The following ADGRB3 variants were observed in gnomAD, a reference collection of about 807,000 sequenced individuals.
ADGRB3 encodes adhesion G protein-coupled receptor B3.
Under a neutral mutation model 193.4 loss-of-function variants are expected in ADGRB3, and 37 were observed. The observed-to-expected ratio is 0.19, with a 90% CI of 0.15 to 0.25. The LOEUF (loss-of-function observed/expected upper bound fraction) is 0.25, where lower values mean the gene tolerates loss of function less well. Among genes scored for constraint, ADGRB3 ranks in the 10% least tolerant of loss-of-function variants. The pLI, the probability that ADGRB3 is intolerant of heterozygous loss-of-function variation, is 1.00. For synonymous variants in ADGRB3, 690 were observed against 644.2 expected, an observed-to-expected ratio of 1.07 and a Z score of -1.08; for missense variants, 1,637 against 1,852.9, an observed-to-expected ratio of 0.88 and a Z score of 2.14.
At chr6:69,214,382 T>G (rs568870689) in intron 17 of ADGRB3, among the ~76,000 whole-genome samples, 1 of 152,266 alleles carries the variant, frequency 6.6e-6, no homozygotes, top group Admixed American at 6.5e-5. Context: ...ACTGTAGAGT[T>G]AAAGCATCCT....
chr6:68,964,220 T>C (rs1768314191), intron 8 of ADGRB3, among the ~76,000 whole-genome samples: 1 of 152,090 alleles, frequency 6.6e-6, no homozygotes, highest in African/African-American at 2.4e-5. Flanking sequence ...ATATGGGAGG[T>C]AGGAAAAATA....
intron 5 of ADGRB3, among the ~76,000 whole-genome samples, chr6:68,936,987 T>C (rs932576855): frequency 6.6e-6 from 1 of 152,188 alleles, no homozygotes; most frequent in Admixed American, 6.5e-5. Context: ...AAATGTTCAA[T>C]TGAATGCTTG....
At chr6:69,163,989 A>C (rs1775064633) in intron 17 of ADGRB3, among the ~76,000 whole-genome samples, 1 of 152,094 alleles carries the variant, frequency 6.6e-6, no homozygotes, top group African/African-American at 2.4e-5. Context: ...CTCCTCCTTA[A>C]AAATTCCCTG....
At chr6:69,235,718 G>A (rs1766247714) in intron 19 of ADGRB3, among the ~76,000 whole-genome samples, 1 of 151,930 alleles carries the variant, frequency 6.6e-6, no homozygotes, top group South Asian at 2.1e-4. Context: ...TAAACAAGGG[G>A]AAGTTATTGA....
In ADGRB3 at chr6:69,188,905, T is replaced by G. The variant is rs188826659; in HGVS notation, c.2481-44385T>G. Among the ~76,000 whole-genome samples the G allele has an allele frequency of 1.1e-3, 172 of 152,296 alleles. 2 individuals are homozygous for G. The highest frequency in any genetic ancestry group is 3.8e-3 in the African/African-American group (158 of 41,576). On this transcript the variant is annotated intron_variant, in intron 17 of 31. Transcript: ENST00000370598. ...TACTGAAATTTAATTATAAATGCCT[T>G]TTTATATGTATCTGCAGTAAAATAA...
intron 10 of ADGRB3, among the ~76,000 whole-genome samples, chr6:68,992,845 C>T (rs1769274444): frequency 1.3e-5 from 2 of 152,068 alleles, no homozygotes; most frequent in African/African-American, 2.4e-5. Context: ...TTGGTAATTG[C>T]AATTAATGTA....
intron 20 of ADGRB3, among the ~76,000 whole-genome samples, chr6:69,255,549 G>T (rs965887741): frequency 4.7e-4 from 72 of 152,190 alleles, no homozygotes; most frequent in African/African-American, 1.6e-3. Context: ...TTGAGGGGTT[G>T]TTTGTTTTTT....
intron 3 of ADGRB3, among the ~76,000 whole-genome samples, chr6:68,822,192 T>G (rs548266932): frequency 1.3e-5 from 2 of 152,028 alleles, no homozygotes; most frequent in East Asian, 3.9e-4. Context: ...GAAGACAGAC[T>G]AATCTCAAAT....
intron 20 of ADGRB3, among the ~76,000 whole-genome samples, chr6:69,314,492 T>A (rs1768270194): frequency 6.6e-6 from 1 of 151,618 alleles, no homozygotes; most frequent in Non-Finnish European, 1.5e-5. Flanking sequence ...ATAACCTGCT[T>A]CAAAATTTTC....
intron 13 of ADGRB3, among the ~76,000 whole-genome samples, chr6:69,019,776 T>G (rs989832149): frequency 1.3e-5 from 2 of 151,950 alleles, no homozygotes; most frequent in Admixed American, 6.6e-5. Context: ...CTTGTGCCAG[T>G]TCAGTAATGG....
intron 20 of ADGRB3, among the ~76,000 whole-genome samples, chr6:69,279,071 G>GTATATA (rs57824884): frequency 2.7e-4 from 19 of 71,368 alleles, no homozygotes; most frequent in South Asian, 7.8e-4. Flanking sequence ...AAATACATAT[G>GTATATA]TATATATATA....
At chr6:69,025,511 T>C (rs1316885848) in intron 13 of ADGRB3, among the ~76,000 whole-genome samples, 1 of 149,330 alleles carries the variant, frequency 6.7e-6, no homozygotes, top group East Asian at 2.1e-4. Context: ...GCCTGAAAAA[T>C]ACACAATTTA....
chr6:69,240,381 G>C (rs903122469), intron 20 of ADGRB3, among the ~76,000 whole-genome samples: 1 of 151,988 alleles, frequency 6.6e-6, no homozygotes, highest in African/African-American at 2.4e-5. Flanking sequence ...AATTACTTTC[G>C]TGTCTTTGAG....
At chr6:68,976,851 C>T (rs944595988) in intron 10 of ADGRB3, among the ~76,000 whole-genome samples, 1 of 151,756 alleles carries the variant, frequency 6.6e-6, no homozygotes, top group Non-Finnish European at 1.5e-5. Context: ...TGTTCAAGGG[C>T]CATTGCTACA....
rs1248126327 is a variant in ADGRB3 at position 69,344,591 on chromosome 6, C to T, written c.3459+5087C>T. Among the ~76,000 whole-genome samples the T allele has an allele frequency of 4.3e-4, 66 of 152,082 alleles. 1 individual carries two copies. Among genetic ancestry groups the T allele is most frequent in the Non-Finnish European group, 2.9e-5 (2 of 68,026 alleles). ...CAGTAGTGATGAAATAACTAGACAACAATATGTAAAGGGTCCATATTGCAT... is the reference window on the plus strand; with the variant it reads ...CAGTAGTGATGAAATAACTAGACAATAATATGTAAAGGGTCCATATTGCAT... On this transcript the variant is annotated intron_variant, in intron 26 of 31. Transcript: ENST00000370598.
intron 17 of ADGRB3, among the ~76,000 whole-genome samples, chr6:69,211,954 T>G (rs1239007143): frequency 6.6e-6 from 1 of 152,216 alleles, no homozygotes; most frequent in East Asian, 1.9e-4. Flanking sequence ...TATTACATAA[T>G]TCAGAGAAAT....
chr6:68,820,162 T>C (rs1767722732), intron 3 of ADGRB3, among the ~76,000 whole-genome samples: 2 of 152,020 alleles, frequency 1.3e-5, no homozygotes. Context: ...TTAGACCAAT[T>C]AACTTGATTA....
intron 13 of ADGRB3, among the ~76,000 whole-genome samples, chr6:69,021,602 T>A (rs1217036375): frequency 6.6e-6 from 1 of 151,846 alleles, no homozygotes; most frequent in East Asian, 1.9e-4. Flanking sequence ...CCTAAAGAAA[T>A]GACACCTCAT....
chr6:69,351,705 ATG>A (rs1296898655), intron 26 of ADGRB3, among the ~76,000 whole-genome samples: 1 of 152,162 alleles, frequency 6.6e-6, no homozygotes, highest in Non-Finnish European at 1.5e-5. Flanking sequence ...TTGATTTTAT[ATG>A]TGTGTGTGTT....
Sources: gnomAD v4.1 joint callset for allele counts (sites outside exome capture counted in the v4.1 genomes callset) on GRCh38, gnomAD v4.1.1 for gene constraint, MANE v1.5 for transcripts, NCBI Gene and HGNC (gene_info 2026-07-23, HGNC 2026-07-21) for gene names.